ENPP6: variants seen among roughly 807,000 people sequenced by gnomAD.
ENPP6 encodes ectonucleotide pyrophosphatase/phosphodiesterase 6.
A neutral mutation model predicts 42.0 loss-of-function variants in ENPP6; 32 were observed. The ratio of observed to expected loss-of-function variants is 0.76; its 90% CI spans 0.58 to 1.02. The LOEUF is 1.02. Among genes scored for constraint, ENPP6 ranks in the 50% least tolerant of loss-of-function variants. The pLI is 0.00. For missense variants in ENPP6, 552 were observed against 566.8 expected (o/e 0.97, Z 0.27); for synonymous variants, 213 against 216.0 (o/e 0.99, Z 0.12).
intron 3 of ENPP6, among the ~76,000 whole-genome samples, chr4:184,119,427 G>A (rs1299703929): frequency 6.6e-6 from 1 of 151,500 alleles, no homozygotes; most frequent in African/African-American, 2.4e-5. Flanking sequence ...AAGAAACTAT[G>A]TTGAACCTTG....
intron 1 of ENPP6, among the ~76,000 whole-genome samples, chr4:184,189,876 C>G (rs912901469): frequency 6.6e-6 from 1 of 152,172 alleles, no homozygotes; most frequent in Non-Finnish European, 1.5e-5. Context: ...AGCCCAGGAT[C>G]AGCATGTGAG....
In ENPP6 at chr4:184,097,331, C is replaced by G. The variant is rs1486779493; in HGVS notation, c.1031G>C (p.Gly344Ala). ...EMLPFWMNST[G>A]RREGWQRGWH... is the part of the protein sequence containing the mutation. The stretch of plus-strand genomic sequence containing the variant: ...TCCACGCTGCCAACCTTCCCGCCTG[C>G]CGGTGCTGTTCATCCAAAACGGAAG... The change falls in exon 7 of 8, where the codon GGC (glycine) becomes GCC (alanine). Residue 344 changes from glycine (G) to alanine (A), a missense_variant. Transcript: ENST00000296741. The G allele has an allele frequency of 6.2e-7, 1 of 1,614,094 alleles. No homozygotes were observed. The highest frequency in any genetic ancestry group is 8.5e-7 in the Non-Finnish European group (1 of 1,180,032).
chr4:184,117,350 A>G (rs1048035743), intron 4 of ENPP6, among the ~76,000 whole-genome samples: 2 of 152,244 alleles, frequency 1.3e-5, no homozygotes, highest in Non-Finnish European at 2.9e-5. Flanking sequence ...TCACGTGCCC[A>G]TGTTACAGAT....
intron 1 of ENPP6, among the ~76,000 whole-genome samples, chr4:184,168,315 C>A (rs1034945707): frequency 2.0e-5 from 3 of 152,146 alleles, no homozygotes; most frequent in Non-Finnish European, 4.4e-5. Flanking sequence ...ATCAAATGGG[C>A]CTTTTAAAAG....
intron 1 of ENPP6, among the ~76,000 whole-genome samples, chr4:184,207,577 C>T (rs1055363925): frequency 1.3e-5 from 2 of 152,210 alleles, no homozygotes; most frequent in Admixed American, 6.5e-5. Context: ...ATCCACACAC[C>T]GCTCTTCAGA....
At chr4:184,153,303 T>A (rs1737089109) in intron 2 of ENPP6, among the ~76,000 whole-genome samples, 1 of 152,112 alleles carries the variant, frequency 6.6e-6, no homozygotes, top group South Asian at 2.1e-4. Flanking sequence ...TTTGTATTTT[T>A]AGTAGAGACA....
intron 3 of ENPP6, among the ~76,000 whole-genome samples, chr4:184,119,180 A>AT (rs920084126): frequency 9.9e-5 from 15 of 152,208 alleles, no homozygotes; most frequent in Non-Finnish European, 4.4e-5. Flanking sequence ...TAGGAAACTG[A>AT]TAAGATGAAA....
rs183791696 is a variant in ENPP6 at position 184,107,071 on chromosome 4, C to T, written c.993+5601G>A. 2.7e-4 allele frequency among the ~76,000 whole-genome samples: 41 copies of T among 152,280 alleles called. No homozygotes were observed. The East Asian group carries it at 7.4e-3, about 27-fold the overall frequency. On this transcript the variant is annotated intron_variant, in intron 6 of 7. Coordinates refer to ENST00000296741, the MANE Select transcript of ENPP6 (RefSeq NM_153343.4). ...GTGACATTGTGACAACCCAACCTGC[C>T]CCAGGCCCCTGGGGGAGGGAGTGGC... is the stretch of plus-strand genomic sequence containing the variant.
At chr4:184,164,259 T>C (rs1452179370) in intron 1 of ENPP6, among the ~76,000 whole-genome samples, 1 of 152,220 alleles carries the variant, frequency 6.6e-6, no homozygotes, top group South Asian at 2.1e-4. Flanking sequence ...AAATGGTCCA[T>C]GCACAAGTGA....
intron 2 of ENPP6, among the ~76,000 whole-genome samples, chr4:184,146,711 TG>T (rs1331887143): frequency 1.3e-5 from 2 of 152,192 alleles, no homozygotes; most frequent in Non-Finnish European, 2.9e-5. Context: ...GTAGTGTCAC[TG>T]TCTCAGGGAA....
intron 1 of ENPP6, among the ~76,000 whole-genome samples, chr4:184,175,837 G>A (rs1019520659): frequency 4.6e-5 from 7 of 152,172 alleles, no homozygotes; most frequent in Admixed American, 1.3e-4. Flanking sequence ...CCCACATAAC[G>A]TCTTGGCCTG....
At chr4:184,126,879 C>A (rs1348764955) in intron 2 of ENPP6, among the ~76,000 whole-genome samples, 1 of 152,160 alleles carries the variant, frequency 6.6e-6, no homozygotes, top group Admixed American at 6.6e-5. Flanking sequence ...GAAATATGGT[C>A]TTTCTGGGGA....
At chr4:184,100,410 G>A (rs575008701) in intron 6 of ENPP6, among the ~76,000 whole-genome samples, 1 of 152,168 alleles carries the variant, frequency 6.6e-6, no homozygotes, top group African/African-American at 2.4e-5. Context: ...CTGTGGATCC[G>A]CAAGCTCCTG....
intron 1 of ENPP6, among the ~76,000 whole-genome samples, chr4:184,161,102 C>G (rs1737250332): frequency 6.6e-6 from 1 of 152,036 alleles, no homozygotes; most frequent in African/African-American, 2.4e-5. Context: ...GCAGAGTAAA[C>G]AGACAACCCA....
chr4:184,164,237 C>T (rs1280703807), intron 1 of ENPP6, among the ~76,000 whole-genome samples: 1 of 152,202 alleles, frequency 6.6e-6, no homozygotes, highest in African/African-American at 2.4e-5. Flanking sequence ...TTGCAACGAG[C>T]ATTAAAGATA....
At chr4:184,106,692 T>C (rs1250102715) in intron 6 of ENPP6, among the ~76,000 whole-genome samples, 1 of 152,136 alleles carries the variant, frequency 6.6e-6, no homozygotes, top group Admixed American at 6.5e-5. Context: ...TCTGTGTCCA[T>C]GACAGCTCTT....
chr4:184,128,215 C>G lies in ENPP6; in HGVS notation c.422-3943G>C, dbSNP rs139993870. On this transcript the variant is annotated intron_variant, in intron 2 of 7. Coordinates refer to ENST00000296741, the MANE Select transcript of ENPP6 (RefSeq NM_153343.4). ...CTTTTTTTTGAGGCAGAGTCTCACT[C>G]TGTCACCCAGGCTGGAGTGCAGTGG... 9.5e-4 allele frequency among the ~76,000 whole-genome samples: 145 copies of G among 152,332 alleles called. 1 individual carries two copies. Among genetic ancestry groups the G allele is most frequent in the African/African-American group, 3.4e-3 (143 of 41,574 alleles).
chr4:184,100,595 T>A (rs766327562), intron 6 of ENPP6, among the ~76,000 whole-genome samples: 5 of 152,034 alleles, frequency 3.3e-5, no homozygotes, highest in Non-Finnish European at 7.4e-5. Flanking sequence ...CTAAGTGGGA[T>A]CCCACTGTAG....
At chr4:184,165,819 A>G (rs1377512891) in intron 1 of ENPP6, among the ~76,000 whole-genome samples, 2 of 152,230 alleles carry the variant, frequency 1.3e-5, no homozygotes, top group Non-Finnish European at 2.9e-5. Context: ...TCAAATTGAC[A>G]TGGTTACAAG....
Sources: gnomAD v4.1 joint callset for allele counts (sites outside exome capture counted in the v4.1 genomes callset) on GRCh38, gnomAD v4.1.1 for gene constraint, MANE v1.5 for transcripts, NCBI Gene and HGNC (gene_info 2026-07-23, HGNC 2026-07-21) for gene names.